Variants in NCKAP5 observed in about 807,000 individuals in gnomAD.
NCKAP5 encodes nck-associated protein 5.
A neutral mutation model predicts 167.0 loss-of-function variants in NCKAP5; 92 were observed. The observed-to-expected ratio is 0.55, with a 90% CI of 0.47 to 0.66. The LOEUF (loss-of-function observed/expected upper bound fraction) is 0.66. NCKAP5 is among the 30% of genes least tolerant of loss of function. NCKAP5 has a pLI of 0.00. For synonymous variants in NCKAP5, 891 were observed against 877.4 expected, an observed-to-expected ratio of 1.02 and a Z score of -0.27; for missense variants, 2,378 against 2,315.0, an observed-to-expected ratio of 1.03 and a Z score of -0.56.
At chr2:133,150,284 G>A (rs73000829) in intron 5 of NCKAP5, among the ~76,000 whole-genome samples, 4,113 of 152,206 alleles carry the variant, frequency 0.027, 181 homozygotes, top group African/African-American at 0.093. Flanking sequence ...ATACTATAGC[G>A]GATACCTGCC....
chr2:133,309,686 T>A (rs1036379879), intron 3 of NCKAP5, among the ~76,000 whole-genome samples: 9 of 152,196 alleles, frequency 5.9e-5, no homozygotes, highest in Non-Finnish European at 1.0e-4. Flanking sequence ...GATTAGAGGT[T>A]TATAGATACA....
chr2:133,647,478 A>G, the NCKAP5 span, among the ~76,000 whole-genome samples: 11 of 62,252 alleles, frequency 1.8e-4, no homozygotes, highest in African/African-American at 6.7e-4. Context: ...CAAGGGAAGG[A>G]AAGGAAAGGA....
intron 7 of NCKAP5, among the ~76,000 whole-genome samples, chr2:132,987,387 A>G (rs1016406765): frequency 2.0e-4 from 30 of 152,240 alleles, no homozygotes; most frequent in Admixed American, 1.9e-3. Flanking sequence ...TCCACATACC[A>G]TAAAAGGAAC....
chr2:133,623,094 C>T, the NCKAP5 span, among the ~76,000 whole-genome samples: 3 of 152,076 alleles, frequency 2.0e-5, no homozygotes, highest in African/African-American at 7.2e-5. Context: ...AATTGGCAAG[C>T]CAAATGTAGA....
chr2:132,824,303 C>T (rs552865084), intron 11 of NCKAP5, among the ~76,000 whole-genome samples: 3 of 152,312 alleles, frequency 2.0e-5, no homozygotes, highest in Admixed American at 2.0e-4. Flanking sequence ...CTGCTCTGCC[C>T]TCTTTTACTA....
intron 11 of NCKAP5, among the ~76,000 whole-genome samples, chr2:132,853,524 T>C (rs77392433): frequency 0.016 from 2,489 of 152,338 alleles, 61 homozygotes; most frequent in African/African-American, 0.056. Context: ...CCATGTGCTC[T>C]TGAAAGCAAT....
At chr2:133,057,327 T>C (rs934223279) in intron 6 of NCKAP5, among the ~76,000 whole-genome samples, 1 of 152,144 alleles carries the variant, frequency 6.6e-6, no homozygotes, top group Non-Finnish European at 1.5e-5. Context: ...AAGCTAGAAA[T>C]AATTAATCTT....
chr2:132,868,809 G>T, intron 10 of NCKAP5, 127 bp downstream of exon 10: 1 of 587,552 alleles, frequency 1.7e-6, no homozygotes, highest in South Asian at 3.9e-5. Context: ...AAACACAAAC[G>T]ATTTTCACTA....
At chr2:133,588,721 G>A in the NCKAP5 span, among the ~76,000 whole-genome samples, 3 of 152,336 alleles carry the variant, frequency 2.0e-5, no homozygotes, top group Non-Finnish European at 2.9e-5. Context: ...GTATCATGGA[G>A]AGCAAGGTAG....
At chr2:133,013,236 C>T (rs1047927345) in intron 6 of NCKAP5, among the ~76,000 whole-genome samples, 2 of 152,332 alleles carry the variant, frequency 1.3e-5, no homozygotes, top group Non-Finnish European at 2.9e-5. Flanking sequence ...TCTGCACCCT[C>T]CTTTTTGTCA....
At chr2:132,743,922 A>G (rs1044232374) in intron 16 of NCKAP5, among the ~76,000 whole-genome samples, 15 of 151,776 alleles carry the variant, frequency 9.9e-5, no homozygotes, top group Admixed American at 4.6e-4. Flanking sequence ...TGTAAACTTT[A>G]GAAAGGAAAT....
chr2:132,856,374 T>A (rs1249702859), intron 11 of NCKAP5, among the ~76,000 whole-genome samples: 1 of 151,382 alleles, frequency 6.6e-6, no homozygotes, highest in Non-Finnish European at 1.5e-5. Context: ...AAAAGCCCTC[T>A]CATCTTACTG....
the NCKAP5 span, among the ~76,000 whole-genome samples, chr2:133,590,147 G>C: frequency 6.6e-6 from 1 of 152,126 alleles, no homozygotes; most frequent in Non-Finnish European, 1.5e-5. Flanking sequence ...TGCCTAACGA[G>C]TCAGTTTTCC....
intron 3 of NCKAP5, among the ~76,000 whole-genome samples, chr2:133,515,723 A>G (rs1199330054): frequency 6.6e-6 from 1 of 152,236 alleles, no homozygotes; most frequent in African/African-American, 2.4e-5. Flanking sequence ...CAAAATTTAA[A>G]TATGAGCATT....
At chr2:133,054,010 A>T (rs371092971) in intron 6 of NCKAP5, among the ~76,000 whole-genome samples, 3 of 152,352 alleles carry the variant, frequency 2.0e-5, no homozygotes, top group African/African-American at 7.2e-5. Context: ...GATGCAGTGT[A>T]TGATGGATGA....
chr2:133,644,468 T>C, the NCKAP5 span, among the ~76,000 whole-genome samples: 1 of 152,166 alleles, frequency 6.6e-6, no homozygotes, highest in Non-Finnish European at 1.5e-5. Flanking sequence ...GCCACACACA[T>C]GCCCATCTCC....
At chr2:132,948,359 G>C (rs1202307835) in intron 8 of NCKAP5, among the ~76,000 whole-genome samples, 1 of 152,098 alleles carries the variant, frequency 6.6e-6, no homozygotes, top group Admixed American at 6.5e-5. Context: ...GCTGGCAGCA[G>C]GTACCCAACT....
intron 11 of NCKAP5, among the ~76,000 whole-genome samples, chr2:132,806,972 T>G (rs1020561170): frequency 6.6e-6 from 1 of 152,206 alleles, no homozygotes; most frequent in Non-Finnish European, 1.5e-5. Flanking sequence ...TTCTCCTACA[T>G]GCGGCTAGCC....
Position 132,785,571 on chromosome 2 carries a change from A to T in NCKAP5, c.1240T>A (p.Leu414Ile). Reference sequence around the variant, plus strand: ...GTTATCACTGATGGGGGTTCAAGTAACACTTTTCGCTTCTGTAGCTTTCTT... The same window carrying T: ...GTTATCACTGATGGGGGTTCAAGTATCACTTTTCGCTTCTGTAGCTTTCTT... Reference protein sequence around the residue: ...GLRKLQKRKVLLEPPSVITKW... With the variant: ...GLRKLQKRKVILEPPSVITKW... The change falls in exon 14 of 20, where the codon TTA becomes ATA. Residue 414 changes from leucine (L) to isoleucine (I), a missense_variant. Transcript: ENST00000409261. 2 of 1,597,804 alleles carry T rather than the reference A, an allele frequency of 1.3e-6. No homozygotes were observed. The highest frequency in any genetic ancestry group is 1.7e-6 in the Non-Finnish European group (2 of 1,172,546).
Sources: allele counts gnomAD v4.1 joint callset (sites outside exome capture counted in the v4.1 genomes callset), GRCh38; gene constraint gnomAD v4.1.1; transcripts MANE v1.5; gene names NCBI Gene and HGNC (gene_info 2026-07-23, HGNC 2026-07-21).